The following MACROD2 variants were observed in gnomAD, a reference collection of about 807,000 sequenced individuals.
MACROD2 encodes ADP-ribose glycohydrolase MACROD2.
In MACROD2, 36 loss-of-function variants were observed where a neutral mutation model predicts 70.4. The observed-to-expected ratio is 0.51, with a 90% confidence interval of 0.39 to 0.68. The LOEUF is 0.68. MACROD2 is among the 30% of genes least tolerant of loss of function. MACROD2 has a pLI of 0.00. For missense variants in MACROD2, 496 were observed against 538.4 expected, an observed-to-expected ratio of 0.92 and a Z score of 0.78; for synonymous variants, 172 against 178.8, an observed-to-expected ratio of 0.96 and a Z score of 0.30.
At chr20:14,487,740 G>A (rs1006596035) in intron 3 of MACROD2, among the ~76,000 whole-genome samples, 1 of 152,046 alleles carries the variant, frequency 6.6e-6, no homozygotes, top group African/African-American at 2.4e-5. Context: ...GAATTCTCAG[G>A]GGATTCATCG....
At chr20:15,302,385 C>CG (rs2077655056) in intron 6 of MACROD2, among the ~76,000 whole-genome samples, 1 of 59,016 alleles carries the variant, frequency 1.7e-5, no homozygotes, top group African/African-American at 5.4e-5. Flanking sequence ...CACACACATA[C>CG]ACACATACAG....
At chr20:14,154,570 TTTTTTTTTTTTTTTTGG>T (rs2055070275) in intron 3 of MACROD2, among the ~76,000 whole-genome samples, 1 of 135,980 alleles carries the variant, frequency 7.4e-6, no homozygotes, top group Non-Finnish European at 1.6e-5. Context: ...TTTTTTTTTT[TTTTTTTTTTTTTTTTGG>T]ATTTTTAGTA....
intron 3 of MACROD2, among the ~76,000 whole-genome samples, chr20:14,345,001 T>C (rs1460641919): frequency 6.6e-6 from 1 of 152,252 alleles, no homozygotes; most frequent in Middle Eastern, 3.4e-3. Flanking sequence ...GCTTATCAGA[T>C]CATATCTTAT....
chr20:15,831,526 C>A (rs759894251), intron 8 of MACROD2, among the ~76,000 whole-genome samples: 2 of 152,178 alleles, frequency 1.3e-5, no homozygotes, highest in African/African-American at 4.8e-5. Flanking sequence ...TGACCTGCAC[C>A]AGCTCTTCCT....
At chr20:15,695,126 T>C (rs145179734) in intron 8 of MACROD2, among the ~76,000 whole-genome samples, 6,649 of 152,288 alleles carry the variant, frequency 0.044, 290 homozygotes, top group East Asian at 0.21. Flanking sequence ...TATGGCCTTA[T>C]AGTGTAGTTT....
At chr20:15,155,960 C>CT (rs900039027) in intron 5 of MACROD2, among the ~76,000 whole-genome samples, 7 of 152,230 alleles carry the variant, frequency 4.6e-5, no homozygotes, top group Admixed American at 2.0e-4. Context: ...CTAGTCAACT[C>CT]TGAGTCAGAC....
chr20:15,003,438 A>ATTTATTAAT (rs909461515), intron 5 of MACROD2, among the ~76,000 whole-genome samples: 3 of 152,220 alleles, frequency 2.0e-5, no homozygotes, highest in Non-Finnish European at 4.4e-5. Context: ...CTGGGAAAAG[A>ATTTATTAAT]AACATATCAT....
Position 14,525,466 on chromosome 20 carries a change from T to C in MACROD2, c.301+31958T>C, listed in dbSNP as rs12106233. Among the ~76,000 whole-genome samples the C allele has an allele frequency of 7.7e-3, 1,167 of 152,380 alleles. 15 individuals carry two copies. Among genetic ancestry groups the C allele is most frequent in the African/African-American group, 0.027 (1,117 of 41,586 alleles). On this transcript the variant is annotated intron_variant, in intron 4 of 17. Transcript: ENST00000684519. ...ATATCTCACTGTGATGAAAGTATTA[T>C]TTCCATATTACAGATGAGGAAAGTG...
At chr20:15,425,679 G>A (rs2046288096) in intron 6 of MACROD2, among the ~76,000 whole-genome samples, 1 of 152,184 alleles carries the variant, frequency 6.6e-6, no homozygotes, top group Admixed American at 6.5e-5. Context: ...TATTCTTGTG[G>A]CTATGGAGGG....
At chr20:15,937,673 A>G (rs1244996914) in intron 12 of MACROD2, 129 bp downstream of exon 12, 2 of 710,728 alleles carry the variant, frequency 2.8e-6, no homozygotes, top group African/African-American at 1.8e-5. Context: ...TGTTTCCAAT[A>G]TAATTGACTA....
intron 3 of MACROD2, among the ~76,000 whole-genome samples, chr20:14,408,363 A>G (rs2122857230): frequency 6.6e-6 from 1 of 152,174 alleles, no homozygotes; most frequent in Admixed American, 6.5e-5. Flanking sequence ...TTTGCATAAC[A>G]CTCGCTAACA....
chr20:15,752,687 C>A (rs1370283639), intron 8 of MACROD2, among the ~76,000 whole-genome samples: 1 of 152,084 alleles, frequency 6.6e-6, no homozygotes, highest in Non-Finnish European at 1.5e-5. Context: ...TTTATAGCTA[C>A]CCCTCTGTGA....
At chr20:14,735,895 G>A (rs1404764313) in intron 5 of MACROD2, among the ~76,000 whole-genome samples, 1 of 152,036 alleles carries the variant, frequency 6.6e-6, no homozygotes, top group African/African-American at 2.4e-5. Context: ...AAGTGGTGTA[G>A]CTACTGTGGA....
At chr20:14,822,048 G>A (rs2072851564) in intron 5 of MACROD2, among the ~76,000 whole-genome samples, 1 of 151,950 alleles carries the variant, frequency 6.6e-6, no homozygotes, top group Non-Finnish European at 1.5e-5. Flanking sequence ...TCATAGTTTT[G>A]AACAAAATGG....
chr20:14,835,638 G>A (rs985154973), intron 5 of MACROD2, among the ~76,000 whole-genome samples: 25 of 152,018 alleles, frequency 1.6e-4, no homozygotes, highest in African/African-American at 5.8e-4. Context: ...AGTTGCTTGA[G>A]GTCAATGTAT....
chr20:15,023,677 TCA>T (rs2075207512), intron 5 of MACROD2, among the ~76,000 whole-genome samples: 1 of 152,004 alleles, frequency 6.6e-6, no homozygotes, highest in African/African-American at 2.4e-5. Context: ...TAGAAAACCA[TCA>T]GATCTCGTGA....
chr20:16,049,812 G>T lies in MACROD2; in HGVS notation c.1301-18G>T. ...TGTCTTATCTTTAATCTAACAAATG[G>T]CTTCTCTTTGTCTTCAGCAGGGGCA... On this transcript the variant is annotated intron_variant, in intron 17 of 17. Coordinates refer to ENST00000684519, the MANE Select transcript of MACROD2 (RefSeq NM_001351661.2). The T allele has an allele frequency of 6.2e-7, 1 of 1,612,930 alleles. No homozygotes were observed. Among genetic ancestry groups the T allele is most frequent in the Non-Finnish European group, 8.5e-7 (1 of 1,179,310 alleles).
chr20:15,509,181 A>AGTAAAATTAGAGTGCTTTTT (rs2047466856), intron 8 of MACROD2, among the ~76,000 whole-genome samples: 1 of 152,214 alleles, frequency 6.6e-6, no homozygotes, highest in Non-Finnish European at 1.5e-5. Context: ...TGTCCTAAAT[A>AGTAAAATTAGAGTGCTTTTT]GTAAAATTAG....
chr20:15,273,715 T>C (rs2146073273), intron 6 of MACROD2, among the ~76,000 whole-genome samples: 1 of 152,296 alleles, frequency 6.6e-6, no homozygotes, highest in Non-Finnish European at 1.5e-5. Context: ...TTATTGGCTC[T>C]GGCAATTTGG....
Sources: allele counts gnomAD v4.1 joint callset (sites outside exome capture counted in the v4.1 genomes callset), GRCh38; gene constraint gnomAD v4.1.1; transcripts MANE v1.5; gene names NCBI Gene and HGNC (gene_info 2026-07-23, HGNC 2026-07-21).